The following PTPRD variants were observed in gnomAD, a reference collection of about 807,000 sequenced individuals.
PTPRD encodes receptor-type tyrosine-protein phosphatase delta.
Under a neutral mutation model 214.5 loss-of-function variants are expected in PTPRD, and 34 were observed. The ratio of observed to expected loss-of-function variants is 0.16; its 90% confidence interval spans 0.12 to 0.21. The LOEUF (loss-of-function observed/expected upper bound fraction) is 0.21, where lower values mean the gene tolerates loss of function less well. Ranked by LOEUF, PTPRD falls within the 10% of genes least tolerant of loss-of-function variation. PTPRD has a pLI of 1.00. For synonymous variants in PTPRD, 1,128 were observed against 845.7 expected, an observed-to-expected ratio of 1.33 and a Z score of -5.79; for missense variants, 2,545 against 2,398.7, an observed-to-expected ratio of 1.06 and a Z score of -1.27.
intron 3 of PTPRD, among the ~76,000 whole-genome samples, chr9:10,053,210 A>G (rs893448189): frequency 2.0e-5 from 3 of 152,214 alleles, no homozygotes; most frequent in African/African-American, 4.8e-5. Flanking sequence ...ATAAACAAAG[A>G]TGACCTGACT....
At chr9:8,368,154 G>GA (rs1588841665) in intron 39 of PTPRD, among the ~76,000 whole-genome samples, 1 of 152,084 alleles carries the variant, frequency 6.6e-6, no homozygotes, top group East Asian at 1.9e-4. Context: ...GAGCAAAATG[G>GA]AAAATGGCAG....
chr9:10,375,627 T>G (rs1488381252), intron 2 of PTPRD, among the ~76,000 whole-genome samples: 1 of 152,040 alleles, frequency 6.6e-6, no homozygotes, highest in Non-Finnish European at 1.5e-5. Flanking sequence ...ACTGGCACAT[T>G]ATTGCTTTAA....
intron 3 of PTPRD, among the ~76,000 whole-genome samples, chr9:10,314,649 A>G (rs1048668697): frequency 2.6e-5 from 4 of 151,902 alleles, no homozygotes; most frequent in African/African-American, 9.7e-5. Context: ...AATAGGTTAT[A>G]GATTAGATAG....
chr9:8,465,235 A>G (rs538514555), intron 32 of PTPRD, among the ~76,000 whole-genome samples: 27 of 152,100 alleles, frequency 1.8e-4, no homozygotes, highest in African/African-American at 6.3e-4. Flanking sequence ...GGAACTTCAT[A>G]AACTAGAGGG....
chr9:10,287,630 T>C (rs1425275687), intron 3 of PTPRD, among the ~76,000 whole-genome samples: 2 of 152,112 alleles, frequency 1.3e-5, no homozygotes, highest in African/African-American at 4.8e-5. Flanking sequence ...GGAAGCCTCA[T>C]AGTTCCAGGT....
At chr9:10,361,909 C>G (rs2097400212) in intron 2 of PTPRD, among the ~76,000 whole-genome samples, 2 of 152,142 alleles carry the variant, frequency 1.3e-5, no homozygotes, top group East Asian at 3.9e-4. Flanking sequence ...TAGATGGGCA[C>G]ACATATTTCT....
rs540420879 is a variant in PTPRD at position 10,183,279 on chromosome 9, G to A, written c.-544-149489C>T. Among the ~76,000 whole-genome samples, 110 of 152,174 alleles carry A rather than the reference G, an allele frequency of 7.2e-4. 1 individual carries two copies. The highest frequency in any genetic ancestry group is 2.6e-3 in the African/African-American group (107 of 41,534). ...CAGAAAAACAGAGGACTATGATTGG[G>A]AACAAGGCAGGAGAAAAGAAGACAA... is the stretch of plus-strand genomic sequence containing the variant. On this transcript the variant is annotated intron_variant, in intron 3 of 45. Transcript: ENST00000381196.
intron 11 of PTPRD, among the ~76,000 whole-genome samples, chr9:8,782,955 T>C (rs559998712): frequency 6.6e-6 from 1 of 152,188 alleles, no homozygotes; most frequent in East Asian, 1.9e-4. Context: ...TCCAAATAGG[T>C]AAGCAGTGAT....
rs79683180 is a variant in PTPRD at position 8,493,961 on chromosome 9, C to T, written c.2350-982G>A. 3.3e-4 allele frequency among the ~76,000 whole-genome samples: 50 copies of T among 151,424 alleles called. No individual in the cohort carries two copies. In the East Asian group the frequency reaches 3.5e-3, roughly 11 times the overall value. On this transcript the variant is annotated intron_variant, in intron 26 of 45. Coordinates refer to ENST00000381196, the MANE Select transcript of PTPRD (RefSeq NM_002839.4). ...CCAGAGCTGCATGTACACATGCGCGCGTACACAGACACATGCGCACACACA... is the reference window on the plus strand; with the variant it reads ...CCAGAGCTGCATGTACACATGCGCGTGTACACAGACACATGCGCACACACA...
intron 44 of PTPRD, among the ~76,000 whole-genome samples, chr9:8,320,961 G>C (rs1015741512): frequency 3.3e-5 from 5 of 152,068 alleles, no homozygotes; most frequent in South Asian, 2.1e-4. Context: ...AAAATAGATG[G>C]ATTCATTTAC....
At chr9:9,855,408 C>A (rs12377691) in intron 5 of PTPRD, among the ~76,000 whole-genome samples, 5,119 of 152,176 alleles carry the variant, frequency 0.034, 94 homozygotes, top group Middle Eastern at 0.062. Context: ...CTCTACTTTG[C>A]CACATCATAG....
At chr9:9,512,942 T>C (rs2096744359) in intron 8 of PTPRD, among the ~76,000 whole-genome samples, 1 of 151,878 alleles carries the variant, frequency 6.6e-6, no homozygotes, top group Non-Finnish European at 1.5e-5. Flanking sequence ...TCATGCATTC[T>C]TTCAATGATA....
At chr9:8,817,842 G>C (rs1047877104) in intron 11 of PTPRD, among the ~76,000 whole-genome samples, 5 of 152,194 alleles carry the variant, frequency 3.3e-5, no homozygotes, top group Admixed American at 2.0e-4. Context: ...CTGATGACCA[G>C]ATTTTGCTCC....
At chr9:8,548,296 T>C (rs1564244945) in intron 14 of PTPRD, among the ~76,000 whole-genome samples, 1 of 152,100 alleles carries the variant, frequency 6.6e-6, no homozygotes, top group Non-Finnish European at 1.5e-5. Flanking sequence ...CAAAGATGGC[T>C]GGCCAGGTCC....
intron 3 of PTPRD, among the ~76,000 whole-genome samples, chr9:10,206,144 T>G (rs1312509462): frequency 6.7e-6 from 1 of 150,316 alleles, no homozygotes; most frequent in East Asian, 1.9e-4. Flanking sequence ...TGCAAGTAGA[T>G]AAGACCAGAA....
intron 7 of PTPRD, among the ~76,000 whole-genome samples, chr9:9,729,566 C>G (rs1410731673): frequency 6.6e-6 from 1 of 152,090 alleles, no homozygotes; most frequent in African/African-American, 2.4e-5. Context: ...TTCTAATAAC[C>G]TGCTATCCCA....
chr9:9,061,772 A>G (rs1012315538), intron 10 of PTPRD, among the ~76,000 whole-genome samples: 2 of 152,206 alleles, frequency 1.3e-5, no homozygotes, highest in African/African-American at 4.8e-5. Context: ...CAGTGGCACT[A>G]GCAGGTTTGC....
chr9:8,643,307 T>C lies in PTPRD; in HGVS notation c.65-6463A>G, dbSNP rs571343736. ...AGATGTTATCATTACTCCTATTTTATAGATTTATAGAAAGCTTTTTAGTAA... is the reference window on the plus strand; with the variant it reads ...AGATGTTATCATTACTCCTATTTTACAGATTTATAGAAAGCTTTTTAGTAA... On this transcript the variant is annotated intron_variant, in intron 12 of 45. Transcript: ENST00000381196. Among the ~76,000 whole-genome samples, 11 of 152,100 alleles carry C rather than the reference T, an allele frequency of 7.2e-5. No individual in the cohort carries two copies. In the South Asian group the frequency reaches 1.7e-3, roughly 23 times the overall value.
chr9:9,018,148 T>A lies in PTPRD; in HGVS notation c.-104+549A>T, dbSNP rs199890960. Among the ~76,000 whole-genome samples the A allele has an allele frequency of 5.9e-5, 9 of 152,256 alleles. No individual in the cohort carries two copies. In the East Asian group the frequency reaches 1.7e-3, roughly 29 times the overall value. On this transcript the variant is annotated intron_variant, in intron 11 of 45. Coordinates refer to ENST00000381196, the MANE Select transcript of PTPRD (RefSeq NM_002839.4). ...TCACACTTTCTCTTTCCCAATCCAT[T>A]AACTGAAGATTCCCTCATAACCATC...
Sources: gnomAD v4.1 joint callset for allele counts (sites outside exome capture counted in the v4.1 genomes callset) on GRCh38, gnomAD v4.1.1 for gene constraint, MANE v1.5 for transcripts, NCBI Gene and HGNC (gene_info 2026-07-23, HGNC 2026-07-21) for gene names.